Variants in ATF2 observed in about 807,000 individuals in gnomAD.
ATF2 encodes the protein cyclic AMP-dependent transcription factor ATF-2.
In ATF2, 24 loss-of-function variants were observed where a neutral mutation model predicts 60.6. The observed-to-expected ratio is 0.40, with a 90% CI of 0.29 to 0.56. The LOEUF is 0.56. Among genes scored for constraint, ATF2 ranks in the 20% least tolerant of loss-of-function variants. The pLI is 0.54. For missense variants in ATF2, 433 were observed against 607.7 expected (o/e 0.71, Z 3.02); for synonymous variants, 206 against 215.4 (o/e 0.96, Z 0.38).
At chr2:175,130,271 AATCTCAAG>A (rs1697636863) in intron 3 of ATF2, 64 bp from the exon 4 acceptor site, 1 of 1,093,494 alleles carries the variant, frequency 9.1e-7, no homozygotes, top group Middle Eastern at 3.1e-4. Flanking sequence ...TTAAAATATA[AATCTCAAG>A]ATTTTTCATT....
At chr2:175,077,459 G>A (rs537471328) in intron 13 of ATF2, among the ~76,000 whole-genome samples, 9 of 152,084 alleles carry the variant, frequency 5.9e-5, no homozygotes, top group Admixed American at 5.9e-4. Flanking sequence ...TTCAGCACCT[G>A]TTGTTTCCTG....
At chr2:175,089,370 A>G (rs999369803) in intron 12 of ATF2, among the ~76,000 whole-genome samples, 40 of 152,184 alleles carry the variant, frequency 2.6e-4, no homozygotes, top group African/African-American at 9.7e-4. Context: ...ATTTGGTAAA[A>G]ATATGAACAA....
intron 11 of ATF2, among the ~76,000 whole-genome samples, chr2:175,094,403 G>GAAAAAAAAAAAAAAAAAAAAAAAAAAAA (rs61440218): frequency 1.6e-5 from 1 of 61,138 alleles, no homozygotes; most frequent in Non-Finnish European, 3.4e-5. Flanking sequence ...CAAAAAATAC[G>GAAAAAAAAAAAAAAAAAAAAAAAAAAAA]AAAAAAAAAA....
At chr2:175,109,176 A>AC (rs1695993951) in intron 10 of ATF2, among the ~76,000 whole-genome samples, 1 of 149,890 alleles carries the variant, frequency 6.7e-6, no homozygotes, top group Admixed American at 6.6e-5. Context: ...AATAAAAAAA[A>AC]AAAAAAAAAA....
intron 1 of ATF2, among the ~76,000 whole-genome samples, chr2:175,152,981 A>C (rs904849573): frequency 6.6e-6 from 1 of 152,152 alleles, no homozygotes; most frequent in East Asian, 1.9e-4. Context: ...ATTTGTATAG[A>C]GATATTTGGG....
At chr2:175,093,806 C>T (rs1242048647) in intron 11 of ATF2, among the ~76,000 whole-genome samples, 1 of 151,994 alleles carries the variant, frequency 6.6e-6, no homozygotes, top group Non-Finnish European at 1.5e-5. Context: ...GTATATTCAG[C>T]TTTTCTTCAG....
chr2:175,089,530 A>G (rs1341094702), intron 12 of ATF2, among the ~76,000 whole-genome samples: 1 of 152,194 alleles, frequency 6.6e-6, no homozygotes, highest in East Asian at 1.9e-4. Context: ...GTTTTCACAT[A>G]AAGTAGGGTT....
chr2:175,076,741 T>C (rs1225900396), intron 13 of ATF2, among the ~76,000 whole-genome samples: 4 of 151,908 alleles, frequency 2.6e-5, no homozygotes, highest in African/African-American at 9.7e-5. Context: ...GTTTCACCAC[T>C]ATTCTTTTTT....
chr2:175,148,705 T>C lies in ATF2; in HGVS notation c.-44+2355A>G, dbSNP rs116827607. Reference sequence around the variant, plus strand: ...AAGAAACATTTACAGTCTATTCTCTTGCATGATAAAACCTTATTCTCTACA... The same window carrying C: ...AAGAAACATTTACAGTCTATTCTCTCGCATGATAAAACCTTATTCTCTACA... On this transcript the variant is annotated intron_variant, in intron 2 of 13. Transcript: ENST00000264110. Among the ~76,000 whole-genome samples the C allele has an allele frequency of 4.7e-3, 716 of 152,316 alleles. 4 individuals carry two copies. The highest frequency in any genetic ancestry group is 0.016 in the African/African-American group (674 of 41,570).
At position 175,093,155 on chromosome 2, in the gene ATF2, G is replaced by A. The variant is rs751860790; in HGVS notation, c.1091C>T (p.Ala364Val). The A allele has an allele frequency of 6.2e-7, 1 of 1,614,128 alleles. No homozygotes were observed. ...TTTTTGTCGGCATCTTGAAGCTGCTGCTCTATTTCGCTCTAAAAACTTTCT... is the reference window on the plus strand; with the variant it reads ...TTTTTGTCGGCATCTTGAAGCTGCTACTCTATTTCGCTCTAAAAACTTTCT... ...KRRKFLERNR[A>V]AASRCRQKRK... Residue 364 changes from alanine (A) to valine (V), a missense_variant, in exon 12 of 14, where the codon GCA becomes GTA. Physicochemically the swap from Ala to Val is moderately conservative, Grantham distance 64. Around this residue, in one of 5 missense-constraint regions of ATF2, gnomAD observed 24 missense variants for 75.4 expected, o/e 0.32. Coordinates refer to ENST00000264110, the MANE Select transcript of ATF2 (RefSeq NM_001880.4).
In ATF2 at chr2:175,074,982, T is replaced by C. The variant is rs1178072045; in HGVS notation, c.1292-147A>G. 6.0e-6 allele frequency: 9 copies of C among 1,511,286 alleles called. No individual in the cohort carries two copies. In the African/African-American group the frequency reaches 6.9e-5, roughly 12 times the overall value. The allele number at this position is 1,511,286 out of a possible 1,614,324, so 93.6% of individuals were successfully genotyped here. ...GTATTACAGCAATTGATATAGGTCA[T>C]GAAGTAGGCAATTTTACCTGCAATA... is the stretch of plus-strand genomic sequence containing the variant. On this transcript the variant is annotated intron_variant, in intron 13 of 13. Coordinates refer to ENST00000264110, the MANE Select transcript of ATF2 (RefSeq NM_001880.4).
At position 175,074,823 on chromosome 2, in the gene ATF2, T is replaced by A; in HGVS notation, c.1304A>T (p.Asp435Val). The change falls in exon 14 of 14, where the codon GAT becomes GTT. Residue 435 changes from aspartate to valine, a missense_variant. By Grantham distance (152) the Asp-to-Val change is radical. Transcript: ENST00000264110. ...KKSGYHTADK[D>V]DSSEDISVPS... ...CACTGAAATGTCTTCTGAACTATCA[T>A]CTTTATCAGCAGCTGGGTGGAAAAA... is the stretch of plus-strand genomic sequence containing the variant. 1 of 1,613,472 alleles carries A rather than the reference T, an allele frequency of 6.2e-7. No homozygotes were observed. Among genetic ancestry groups the A allele is most frequent in the Non-Finnish European group, 8.5e-7 (1 of 1,179,616 alleles).
At position 175,097,376 on chromosome 2, in the gene ATF2, C is replaced by T. The variant is rs563786319; in HGVS notation, c.978+68G>A. 7.7e-5 allele frequency: 120 copies of T among 1,555,918 alleles called. No homozygotes were observed. The African/African-American group carries it at 1.0e-3, about 13-fold the overall frequency. ...CCAGAGTAATATTTTTTAAATAAGC[C>T]GTAAGTTACACTGTACTTTTCTGTT... is the stretch of plus-strand genomic sequence containing the variant. On this transcript the variant is annotated intron_variant, in intron 11 of 13. Coordinates refer to ENST00000264110, the MANE Select transcript of ATF2 (RefSeq NM_001880.4).
intron 7 of ATF2, 57 bp from the exon 8 acceptor site, chr2:175,114,925 A>C (rs1696446625): frequency 3.9e-6 from 6 of 1,548,860 alleles, no homozygotes; most frequent in Non-Finnish European, 2.6e-6. Context: ...CATGTACCTT[A>C]GTGAACAGAA....
intron 2 of ATF2, among the ~76,000 whole-genome samples, chr2:175,137,583 G>A (rs1474195389): frequency 6.6e-6 from 1 of 152,168 alleles, no homozygotes; most frequent in East Asian, 1.9e-4. Flanking sequence ...GAGGAAAGAG[G>A]AATATGGAAG....
chr2:175,164,409 C>T (rs1700219581), intron 1 of ATF2, among the ~76,000 whole-genome samples: 1 of 152,064 alleles, frequency 6.6e-6, no homozygotes, highest in South Asian at 2.1e-4. Flanking sequence ...TGGTGCACCC[C>T]TGTAATCCTA....
intron 12 of ATF2, among the ~76,000 whole-genome samples, chr2:175,089,617 C>T (rs1694404349): frequency 6.6e-6 from 1 of 152,168 alleles, no homozygotes; most frequent in Non-Finnish European, 1.5e-5. Flanking sequence ...TGTTGGCAGA[C>T]TGAAAGAAAT....
chr2:175,121,547 C>T lies in ATF2; in HGVS notation c.103-7G>A. 6.3e-7 allele frequency: 1 copy of T among 1,583,790 alleles called. No individual in the cohort carries two copies. The highest frequency in any genetic ancestry group is 1.4e-5 in the African/African-American group (1 of 73,072). On this transcript the variant is annotated splice_region_variant and splice_polypyrimidine_tract_variant and intron_variant, in intron 4 of 13. Transcript: ENST00000264110. Reference sequence around the variant, plus strand: ...GATCCTCGTTGGTAAAACGCTGTGGCAAAAAGTTTTAAAATATAGTTAAGA... The same window carrying T: ...GATCCTCGTTGGTAAAACGCTGTGGTAAAAAGTTTTAAAATATAGTTAAGA...
At chr2:175,120,830 C>G (rs1696908666) in intron 5 of ATF2, among the ~76,000 whole-genome samples, 1 of 151,640 alleles carries the variant, frequency 6.6e-6, no homozygotes, top group Non-Finnish European at 1.5e-5. Context: ...GCTAATACAG[C>G]ATGGAATGAC....
Sources: allele counts gnomAD v4.1 joint callset (sites outside exome capture counted in the v4.1 genomes callset), GRCh38; gene constraint gnomAD v4.1.1; regional missense constraint gnomAD v4.1.1; transcripts MANE v1.5; gene names NCBI Gene and HGNC (gene_info 2026-07-23, HGNC 2026-07-21).